The following SOX6 variants were observed in gnomAD, a reference collection of about 807,000 sequenced individuals.
SOX6 encodes SRY-box transcription factor 6.
SOX6 carries 11 observed loss-of-function variants against 97.8 expected under a neutral mutation model. That is an observed-to-expected ratio of 0.11 (90% CI 0.07 to 0.19). SOX6 has a LOEUF of 0.19. Ranked by LOEUF, SOX6 falls within the 10% of genes least tolerant of loss-of-function variation. The pLI is 1.00. For missense variants in SOX6, 810 were observed against 1,039.5 expected, an observed-to-expected ratio of 0.78 and a Z score of 3.04; for synonymous variants, 360 against 371.4, an observed-to-expected ratio of 0.97 and a Z score of 0.35.
chr11:16,514,571 G>A (rs897105484), intron 4 of SOX6, among the ~76,000 whole-genome samples: 30 of 151,020 alleles, frequency 2.0e-4, no homozygotes, highest in Non-Finnish European at 3.8e-4. Flanking sequence ...TATACTTTAA[G>A]TTTTAGGGTA....
At chr11:16,224,314 T>C (rs1171321683) in intron 4 of SOX6, among the ~76,000 whole-genome samples, 1 of 152,086 alleles carries the variant, frequency 6.6e-6, no homozygotes, top group African/African-American at 2.4e-5. Context: ...TCAGAACCTG[T>C]TATTAAACTT....
rs753094165 is a variant in SOX6, at chr11:16,186,885, C to T, written c.606G>A (p.Arg202=). Reference sequence around the variant, plus strand: ...CATCATGCGCTGCCAGTAGCTGCTCCCGTAAACTGATCAGCTGGGTAATCA... The same window carrying T: ...CATCATGCGCTGCCAGTAGCTGCTCTCGTAAACTGATCAGCTGGGTAATCA... ...STMITQLISL[R]EQLLAAHDEQ... is the part of the protein sequence containing the mutation. Residue 202 remains arginine, a synonymous_variant, in exon 5 of 16, where the codon CGG becomes CGA. Coordinates refer to ENST00000683767, the MANE Select transcript of SOX6 (RefSeq NM_001367873.1). The T allele has an allele frequency of 4.3e-6, 7 of 1,613,704 alleles. No homozygotes were observed. The highest frequency in any genetic ancestry group is 5.9e-6 in the Non-Finnish European group (7 of 1,179,852).
At chr11:16,555,567 T>C (rs902509535) in intron 4 of SOX6, among the ~76,000 whole-genome samples, 1 of 151,716 alleles carries the variant, frequency 6.6e-6, no homozygotes, top group Non-Finnish European at 1.5e-5. Flanking sequence ...CTGTGAACAT[T>C]ACAAATCTTC....
At chr11:16,040,704 G>A (rs1246692307) in intron 12 of SOX6, among the ~76,000 whole-genome samples, 1 of 152,076 alleles carries the variant, frequency 6.6e-6, no homozygotes, top group Admixed American at 6.6e-5. Flanking sequence ...GTAAAATTGC[G>A]CTATCAATCT....
intron 1 of SOX6, among the ~76,000 whole-genome samples, chr11:16,377,107 A>G (rs1857664335): frequency 6.6e-6 from 1 of 152,032 alleles, no homozygotes. Flanking sequence ...GAGGATTTCA[A>G]TTTTAAAATA....
chr11:16,229,306 T>C (rs1590046924), intron 4 of SOX6, among the ~76,000 whole-genome samples: 1 of 152,064 alleles, frequency 6.6e-6, no homozygotes. Context: ...AATATATTCA[T>C]AGCCAAAAGT....
intron 1 of SOX6, among the ~76,000 whole-genome samples, chr11:16,403,474 A>G (rs1858613386): frequency 6.6e-6 from 1 of 151,702 alleles, no homozygotes; most frequent in African/African-American, 2.4e-5. Flanking sequence ...ATAAAAGGCG[A>G]TTGTCTGGAT....
chr11:16,092,601 A>T (rs1229529783), intron 9 of SOX6, among the ~76,000 whole-genome samples: 1 of 152,000 alleles, frequency 6.6e-6, no homozygotes, highest in African/African-American at 2.4e-5. Flanking sequence ...AGATATTTTA[A>T]TTAGAAATGC....
intron 3 of SOX6, among the ~76,000 whole-genome samples, chr11:16,647,851 A>T (rs575109663): frequency 1.4e-4 from 22 of 152,174 alleles, no homozygotes; most frequent in African/African-American, 5.1e-4. Flanking sequence ...CCTTGCATGC[A>T]CTCCCAATCC....
intron 1 of SOX6, among the ~76,000 whole-genome samples, chr11:16,474,751 G>T (rs957317450): frequency 6.6e-6 from 1 of 152,136 alleles, no homozygotes; most frequent in South Asian, 2.1e-4. Flanking sequence ...CATTGGCTTC[G>T]ACTTAAATTC....
chr11:16,049,036 T>G (rs1847615254), intron 11 of SOX6, among the ~76,000 whole-genome samples: 1 of 152,198 alleles, frequency 6.6e-6, no homozygotes, highest in Non-Finnish European at 1.5e-5. Context: ...GCATTTAATA[T>G]GCATTTTTCT....
chr11:16,570,651 T>C (rs1054445566), intron 4 of SOX6, among the ~76,000 whole-genome samples: 2 of 152,212 alleles, frequency 1.3e-5, no homozygotes, highest in Non-Finnish European at 2.9e-5. Flanking sequence ...AACTAGACTT[T>C]AAATGGTTTT....
chr11:16,014,912 G>T, intron 13 of SOX6, 30 bp downstream of exon 13: 4 of 1,582,368 alleles, frequency 2.5e-6, no homozygotes, highest in Non-Finnish European at 3.5e-6. Context: ...ACATGGAGCA[G>T]CAGAAAAGAA....
chr11:16,516,443 T>G (rs1860975407), intron 4 of SOX6, among the ~76,000 whole-genome samples: 1 of 152,124 alleles, frequency 6.6e-6, no homozygotes, highest in Non-Finnish European at 1.5e-5. Flanking sequence ...TTAAGGAGAT[T>G]TTGGGCTGAG....
At position 16,464,709 on chromosome 11, in the gene SOX6, C is replaced by T. The variant is rs528291535; in HGVS notation, c.-5+11606G>A. Among the ~76,000 whole-genome samples, 3 of 152,202 alleles carry T rather than the reference C, an allele frequency of 2.0e-5. No individual in the cohort carries two copies. The South Asian group carries it at 6.2e-4, about 32-fold the overall frequency. ...GAACTTTCTAAAGGTCTCCAATATA[C>T]AATATCAGAGTGTAATACATAGATG... On this transcript the variant is annotated intron_variant, in intron 1 of 15. Coordinates refer to the SOX6 transcript ENST00000396356.
At chr11:16,385,577 T>A (rs1405616110) in intron 1 of SOX6, among the ~76,000 whole-genome samples, 4 of 152,078 alleles carry the variant, frequency 2.6e-5, no homozygotes, top group Admixed American at 2.6e-4. Flanking sequence ...GAAAAAATTT[T>A]AAAAAATCTT....
intron 3 of SOX6, among the ~76,000 whole-genome samples, chr11:16,307,676 C>A (rs577570707): frequency 1.3e-5 from 2 of 152,234 alleles, no homozygotes; most frequent in Admixed American, 1.3e-4. Flanking sequence ...TTAAAAACTG[C>A]CCTTTGACTA....
At chr11:16,132,359 A>AAAGAAAGAAAGAAAGAAAG (rs1849789885) in intron 6 of SOX6, among the ~76,000 whole-genome samples, 1 of 83,694 alleles carries the variant, frequency 1.2e-5, no homozygotes, top group African/African-American at 5.3e-5. Flanking sequence ...AGAAAGAAAG[A>AAAGAAAGAAAGAAAGAAAG]AAGAAAGAAA....
chr11:16,505,641 G>A (rs927543560), intron 4 of SOX6, among the ~76,000 whole-genome samples: 1 of 152,154 alleles, frequency 6.6e-6, no homozygotes, highest in East Asian at 1.9e-4. Context: ...TGTCTCCAAG[G>A]CATTTTAGAG....
Sources: gnomAD v4.1 joint callset for allele counts (sites outside exome capture counted in the v4.1 genomes callset) on GRCh38, gnomAD v4.1.1 for gene constraint, MANE v1.5 for transcripts, NCBI Gene and HGNC (gene_info 2026-07-23, HGNC 2026-07-21) for gene names.